The following PCMTD1 variants were observed in gnomAD, a reference collection of about 807,000 sequenced individuals.
The protein encoded by PCMTD1 is protein-L-isoaspartate (D-aspartate) O-methyltransferase domain containing 1, also known as protein-L-isoaspartate O-methyltransferase domain-containing protein 1.
In PCMTD1, 12 loss-of-function variants were observed where a neutral mutation model predicts 37.6. The ratio of observed to expected loss-of-function variants is 0.32; its 90% confidence interval spans 0.20 to 0.52. PCMTD1 has a LOEUF of 0.52. PCMTD1 is among the 20% of genes least tolerant of loss of function. The pLI, the probability that PCMTD1 is intolerant of heterozygous loss-of-function variation, is 0.97. For missense variants in PCMTD1, 235 were observed against 421.3 expected (o/e 0.56, Z 3.87); for synonymous variants, 117 against 135.8 (o/e 0.86, Z 0.96).
chr8:51,850,093 T>C (rs1307923795), intron 2 of PCMTD1: 3 of 702,216 alleles, frequency 4.3e-6, no homozygotes, highest in Non-Finnish European at 7.8e-6. Flanking sequence ...AATACTGGTG[T>C]GGTGAGAAAG....
chr8:51,867,978 T>C (rs2129288905), intron 1 of PCMTD1, among the ~76,000 whole-genome samples: 1 of 152,290 alleles, frequency 6.6e-6, no homozygotes, highest in South Asian at 2.1e-4. Flanking sequence ...AACTGTAAAT[T>C]GTAGATGTTT....
intron 1 of PCMTD1, among the ~76,000 whole-genome samples, chr8:51,889,865 CGTGTGT>C (rs3075018): frequency 0.026 from 3,878 of 148,636 alleles, 62 homozygotes; most frequent in South Asian, 0.047. Flanking sequence ...TAAGGATATA[CGTGTGT>C]GTGTGTGTGT....
intron 3 of PCMTD1, among the ~76,000 whole-genome samples, chr8:51,836,147 G>C (rs973508222): frequency 2.0e-5 from 3 of 152,266 alleles, no homozygotes; most frequent in Middle Eastern, 3.4e-3. Context: ...CAGGCATGGG[G>C]ATCAGAGAAG....
intron 1 of PCMTD1, among the ~76,000 whole-genome samples, chr8:51,886,611 A>G (rs2038867981): frequency 6.6e-6 from 1 of 152,170 alleles, no homozygotes; most frequent in Non-Finnish European, 1.5e-5. Flanking sequence ...GCAGGACTCA[A>G]TGCCACCCCC....
intron 1 of PCMTD1, among the ~76,000 whole-genome samples, chr8:51,887,745 CTTTT>C (rs11438175): frequency 1.5e-5 from 2 of 136,296 alleles, no homozygotes; most frequent in African/African-American, 5.4e-5. Context: ...TTCATAATTT[CTTTT>C]TTTTTTTTTT....
At chr8:51,897,418 T>C (rs1490153347) in intron 1 of PCMTD1, among the ~76,000 whole-genome samples, 2 of 152,216 alleles carry the variant, frequency 1.3e-5, no homozygotes, top group Non-Finnish European at 2.9e-5. Flanking sequence ...GCTTTCTATC[T>C]TTCCTACCTT....
chr8:51,847,875 C>T (rs1333834424), intron 2 of PCMTD1, among the ~76,000 whole-genome samples: 1 of 151,822 alleles, frequency 6.6e-6, no homozygotes, highest in Admixed American at 6.6e-5. Flanking sequence ...CCTAGGACTT[C>T]GAGACCAGCC....
intron 5 of PCMTD1, among the ~76,000 whole-genome samples, chr8:51,830,881 C>T (rs893347999): frequency 2.6e-5 from 4 of 152,108 alleles, no homozygotes; most frequent in Admixed American, 2.6e-4. Flanking sequence ...AGTAACTTGC[C>T]ACCACATCAC....
chr8:51,827,254 T>A, intron 5 of PCMTD1: 3 of 1,186,170 alleles, frequency 2.5e-6, no homozygotes, highest in Non-Finnish European at 3.2e-6. Context: ...TAAGTTACTG[T>A]TGGTTACTGA....
rs2037823856 is a variant in PCMTD1, at chr8:51,820,287, T to C, written c.*64A>G. ...AGAAATAATTCTCTCTTTTAACTCC[T>C]AACAAATGCTACATTTTCAAGACTA... On this transcript the variant is annotated 3_prime_UTR_variant, in exon 6 of 6. Coordinates refer to ENST00000522514, the MANE Select transcript of PCMTD1 (RefSeq NM_052937.4). The C allele has an allele frequency of 1.4e-6, 2 of 1,410,928 alleles. No homozygotes were observed. Among genetic ancestry groups the C allele is most frequent in the Non-Finnish European group, 1.9e-6 (2 of 1,067,178 alleles). 87.4% of individuals were successfully genotyped at this position (1,410,928 alleles called of 1,614,324 possible).
chr8:51,834,984 G>A (rs2038049506), intron 3 of PCMTD1, among the ~76,000 whole-genome samples: 1 of 151,952 alleles, frequency 6.6e-6, no homozygotes, highest in South Asian at 2.1e-4. Flanking sequence ...CATTTTTCAG[G>A]GCTCTCTTCC....
At chr8:51,872,180 G>C (rs2038649065) in intron 1 of PCMTD1, among the ~76,000 whole-genome samples, 1 of 151,906 alleles carries the variant, frequency 6.6e-6, no homozygotes, top group South Asian at 2.1e-4. Flanking sequence ...AAAGTTATAG[G>C]ACTTTATGGA....
chr8:51,893,021 G>T (rs555153939), intron 1 of PCMTD1, among the ~76,000 whole-genome samples: 1 of 152,066 alleles, frequency 6.6e-6, no homozygotes, highest in Admixed American at 6.5e-5. Context: ...ATTATTTTAA[G>T]CTCACTTACA....
Position 51,831,583 on chromosome 8 carries a change from A to G in PCMTD1, c.583-16T>C. ...TCTGTGTTAACTATTTAGAGAAAAAAAAGAAAGAAAGTGAACAACTTAATC... is the reference window on the plus strand; with the variant it reads ...TCTGTGTTAACTATTTAGAGAAAAAGAAGAAAGAAAGTGAACAACTTAATC... On this transcript the variant is annotated splice_polypyrimidine_tract_variant and intron_variant, in intron 4 of 5. Coordinates refer to ENST00000522514, the MANE Select transcript of PCMTD1 (RefSeq NM_052937.4). 6.2e-7 allele frequency: 1 copy of G among 1,601,144 alleles called. No individual in the cohort carries two copies. The highest frequency in any genetic ancestry group is 8.5e-7 in the Non-Finnish European group (1 of 1,174,296).
chr8:51,884,588 A>G (rs564248120), intron 1 of PCMTD1, among the ~76,000 whole-genome samples: 2 of 152,352 alleles, frequency 1.3e-5, no homozygotes, highest in African/African-American at 4.8e-5. Context: ...GGTAATGTTC[A>G]GCAGACAGCA....
At chr8:51,827,246 A>T in intron 5 of PCMTD1, 1 of 1,151,188 alleles carries the variant, frequency 8.7e-7, no homozygotes, top group Non-Finnish European at 1.1e-6. Context: ...TATTTTTATA[A>T]GTTACTGTTG....
In PCMTD1 at chr8:51,845,818, C is replaced by T. The variant is rs2038210086; in HGVS notation, c.308-55G>A. 5.5e-6 allele frequency: 7 copies of T among 1,271,618 alleles called. No homozygotes were observed. The South Asian group carries it at 7.7e-5, about 14-fold the overall frequency. 78.8% of individuals were successfully genotyped at this position (1,271,618 alleles called of 1,614,324 possible). On this transcript the variant is annotated intron_variant, in intron 2 of 5. Coordinates refer to ENST00000522514, the MANE Select transcript of PCMTD1 (RefSeq NM_052937.4). Reference sequence around the variant, plus strand: ...ATATTAATAATATGCCCTTACAGAGCTCTTTTTTAAGTTCTGCTCATTTAT... The same window carrying T: ...ATATTAATAATATGCCCTTACAGAGTTCTTTTTTAAGTTCTGCTCATTTAT...
At chr8:51,856,234 T>C (rs1184364544) in intron 2 of PCMTD1, among the ~76,000 whole-genome samples, 1 of 152,120 alleles carries the variant, frequency 6.6e-6, no homozygotes, top group Non-Finnish European at 1.5e-5. Flanking sequence ...CAAAAAAATA[T>C]ACTAATGGCC....
rs554081877 is a variant in PCMTD1, at chr8:51,893,219, A to G, written c.-96+5711T>C. 2.6e-5 allele frequency among the ~76,000 whole-genome samples: 4 copies of G among 152,322 alleles called. No homozygotes were observed. In the South Asian group the frequency reaches 8.3e-4, roughly 32 times the overall value. ...TACATTCAAAATTCTTAACAGAATT[A>G]TATTTTTACTTTATAAAGCAAGAAT... On this transcript the variant is annotated intron_variant, in intron 1 of 5. Coordinates refer to ENST00000522514, the MANE Select transcript of PCMTD1 (RefSeq NM_052937.4).
Sources: allele counts gnomAD v4.1 joint callset (sites outside exome capture counted in the v4.1 genomes callset), GRCh38; gene constraint gnomAD v4.1.1; transcripts MANE v1.5; gene names NCBI Gene and HGNC (gene_info 2026-07-23, HGNC 2026-07-21).